The following USP47 variants were observed in gnomAD, a reference collection of about 807,000 sequenced individuals.
USP47 encodes ubiquitin specific peptidase 47, also known as ubiquitin carboxyl-terminal hydrolase 47.
USP47 carries 35 observed loss-of-function variants against 165.1 expected under a neutral mutation model. That is an observed-to-expected ratio of 0.21 (90% CI 0.16 to 0.28). The LOEUF is 0.28. Ranked by LOEUF, USP47 falls within the 10% of genes least tolerant of loss-of-function variation. USP47 has a pLI of 1.00. For missense variants in USP47, 1,277 were observed against 1,607.4 expected, an observed-to-expected ratio of 0.79 and a Z score of 3.52; for synonymous variants, 531 against 544.5, an observed-to-expected ratio of 0.98 and a Z score of 0.35.
chr11:11,916,954 AGTT>A (rs1853466498), intron 8 of USP47, among the ~76,000 whole-genome samples: 1 of 145,332 alleles, frequency 6.9e-6, no homozygotes. Flanking sequence ...GTTTGAGACC[AGTT>A]TGGGCAACAT....
intron 3 of USP47, among the ~76,000 whole-genome samples, chr11:11,887,349 A>G (rs541395518): frequency 4.3e-4 from 65 of 152,330 alleles, no homozygotes; most frequent in African/African-American, 1.4e-3. Context: ...ATGTGCAAAG[A>G]CACACATAGG....
intron 19 of USP47, among the ~76,000 whole-genome samples, chr11:11,941,707 G>A (rs1026962252): frequency 1.3e-5 from 2 of 151,934 alleles, no homozygotes; most frequent in Non-Finnish European, 2.9e-5. Flanking sequence ...TAAATGAAGA[G>A]AACTCTTTTA....
At chr11:11,943,370 C>A in intron 20 of USP47, 1 of 261,808 alleles carries the variant, frequency 3.8e-6, no homozygotes, top group Non-Finnish European at 7.1e-6. Flanking sequence ...GATATAATTA[C>A]TAAGTAAAAA....
Position 11,957,475 on chromosome 11 carries a change from G to A in USP47, c.*1300G>A, listed in dbSNP as rs574396762. On this transcript the variant is annotated 3_prime_UTR_variant, in exon 28 of 28. Coordinates refer to ENST00000527733, the MANE Select transcript of USP47 (RefSeq NM_001282659.2). ...GTAAAACTTTTTCATGCCAGATGCT[G>A]TTTACAACAATGAACATGCCAATAA... The A allele has an allele frequency of 8.5e-5, 13 of 152,702 alleles. No homozygotes were observed. The highest frequency in any genetic ancestry group is 2.9e-4 in the African/African-American group (12 of 41,558). 9.5% of individuals were successfully genotyped at this position (152,702 alleles called of 1,614,324 possible).
At chr11:11,874,480 T>A (rs1850263315) in intron 1 of USP47, among the ~76,000 whole-genome samples, 1 of 152,028 alleles carries the variant, frequency 6.6e-6, no homozygotes, top group Non-Finnish European at 1.5e-5. Flanking sequence ...TCTCTTTTTT[T>A]AATGTAAGTT....
At chr11:11,850,267 A>C (rs983907611) in intron 1 of USP47, among the ~76,000 whole-genome samples, 4 of 143,088 alleles carry the variant, frequency 2.8e-5, no homozygotes, top group Non-Finnish European at 6.1e-5. Flanking sequence ...GGTTTCTCTA[A>C]TTTTCTTGTC....
intron 8 of USP47, among the ~76,000 whole-genome samples, chr11:11,909,778 T>C (rs1397994041): frequency 1.3e-5 from 2 of 152,238 alleles, no homozygotes; most frequent in African/African-American, 4.8e-5. Context: ...TAAGATTATA[T>C]AAAAGACTTG....
chr11:11,875,032 ATT>A (rs1491204165), intron 1 of USP47, among the ~76,000 whole-genome samples: 3 of 103,340 alleles, frequency 2.9e-5, no homozygotes, highest in Non-Finnish European at 4.0e-5. Flanking sequence ...AAATTGACTT[ATT>A]GTGTGTGTGT....
chr11:11,950,417 A>G lies in USP47; in HGVS notation c.3518A>G (p.Tyr1173Cys), dbSNP rs1285978156. Residue 1173 changes from tyrosine (Y) to cysteine (C), a missense_variant, in exon 24 of 28, where the codon TAT (tyrosine) becomes TGT (cysteine). Around this residue, in one of 4 missense-constraint regions of USP47, gnomAD observed 909 missense variants for 1,068.1 expected, o/e 0.85. Transcript: ENST00000527733. Reference protein sequence around the residue: ...WKNPGTVFLDYHIYEEDINIS... With the variant: ...WKNPGTVFLDCHIYEEDINIS... The stretch of plus-strand genomic sequence containing the variant: ...AATCCTGGCACTGTCTTTTTGGATT[A>G]TCATATTTATGAAGAAGATATTAAT... The G allele has an allele frequency of 6.2e-7, 1 of 1,608,424 alleles. No homozygotes were observed. Among genetic ancestry groups the G allele is most frequent in the Non-Finnish European group, 8.5e-7 (1 of 1,178,268 alleles).
At chr11:11,843,739 A>G (rs1456971181) in intron 1 of USP47, among the ~76,000 whole-genome samples, 1 of 152,214 alleles carries the variant, frequency 6.6e-6, no homozygotes, top group Non-Finnish European at 1.5e-5. Flanking sequence ...TAATAACTTG[A>G]TTTATAGAAA....
At chr11:11,898,186 T>A (rs1851967686) in intron 5 of USP47, among the ~76,000 whole-genome samples, 1 of 152,020 alleles carries the variant, frequency 6.6e-6, no homozygotes, top group African/African-American at 2.4e-5. Context: ...CATTAGATAG[T>A]TTAAAATGCT....
intron 1 of USP47, among the ~76,000 whole-genome samples, chr11:11,843,531 C>G (rs1274840784): frequency 6.6e-6 from 1 of 152,090 alleles, no homozygotes; most frequent in African/African-American, 2.4e-5. Flanking sequence ...TACTTTACCA[C>G]GTAAGTAATT....
At chr11:11,938,208 CA>C in intron 17 of USP47, 48 bp from the exon 18 acceptor site, 14 of 1,522,364 alleles carry the variant, frequency 9.2e-6, no homozygotes, top group African/African-American at 1.4e-5. Context: ...ATGTGAAATA[CA>C]TTAAAAAATA....
chr11:11,939,910 T>C (rs1855347962), intron 18 of USP47, among the ~76,000 whole-genome samples: 1 of 152,056 alleles, frequency 6.6e-6, no homozygotes, highest in African/African-American at 2.4e-5. Context: ...CATGTCAATT[T>C]ATAAAATGAC....
At chr11:11,913,088 G>A (rs928326472) in intron 8 of USP47, among the ~76,000 whole-genome samples, 6 of 151,892 alleles carry the variant, frequency 4.0e-5, no homozygotes, top group Admixed American at 3.3e-4. Context: ...GGAATGGCAC[G>A]CTTGTCTAGG....
chr11:11,867,140 G>A (rs949052220), intron 1 of USP47, among the ~76,000 whole-genome samples: 4 of 152,044 alleles, frequency 2.6e-5, no homozygotes, highest in Non-Finnish European at 4.4e-5. Flanking sequence ...CAGGTGATGC[G>A]CCCACCCGGC....
chr11:11,877,204 C>T (rs1850488735), intron 1 of USP47, among the ~76,000 whole-genome samples: 1 of 150,578 alleles, frequency 6.6e-6, no homozygotes, highest in Non-Finnish European at 1.5e-5. Context: ...ATTGCAACAA[C>T]AAAAAAATTG....
chr11:11,880,786 A>T (rs1343567331), intron 2 of USP47, among the ~76,000 whole-genome samples: 1 of 152,166 alleles, frequency 6.6e-6, no homozygotes, highest in Non-Finnish European at 1.5e-5. Flanking sequence ...AAATGGAAGC[A>T]TATATGCCTC....
At chr11:11,911,137 C>G (rs73413217) in intron 8 of USP47, among the ~76,000 whole-genome samples, 3,636 of 152,182 alleles carry the variant, frequency 0.024, 135 homozygotes, top group African/African-American at 0.084. Context: ...TAGGTCGAAT[C>G]TGTGAACTTG....
Sources: gnomAD v4.1 joint callset for allele counts (sites outside exome capture counted in the v4.1 genomes callset) on GRCh38, gnomAD v4.1.1 for gene constraint, gnomAD v4.1.1 regional missense constraint, MANE v1.5 for transcripts, NCBI Gene and HGNC (gene_info 2026-07-23, HGNC 2026-07-21) for gene names.